The following PPP2R5C variants were observed in gnomAD, a reference collection of about 807,000 sequenced individuals.
The protein encoded by PPP2R5C is protein phosphatase 2 regulatory subunit B'gamma.
PPP2R5C carries 7 observed loss-of-function variants against 68.9 expected under a neutral mutation model. That is an observed-to-expected ratio of 0.10 (90% confidence interval 0.06 to 0.19). The LOEUF (loss-of-function observed/expected upper bound fraction) is 0.19, where lower values mean the gene tolerates loss of function less well. Ranked by LOEUF, PPP2R5C falls within the 10% of genes least tolerant of loss-of-function variation. PPP2R5C has a pLI of 1.00. For missense variants in PPP2R5C, 348 were observed against 641.3 expected, an observed-to-expected ratio of 0.54 and a Z score of 4.94; for synonymous variants, 210 against 222.2, an observed-to-expected ratio of 0.95 and a Z score of 0.49.
chr14:101,900,451 A>G (rs1473597424), intron 8 of PPP2R5C, among the ~76,000 whole-genome samples: 1 of 152,238 alleles, frequency 6.6e-6, no homozygotes, highest in Non-Finnish European at 1.5e-5. Context: ...TGCACAGCAC[A>G]AGAGTCGGGT....
chr14:101,803,036 G>A (rs2038934732), intron 3 of PPP2R5C, among the ~76,000 whole-genome samples: 1 of 150,550 alleles, frequency 6.6e-6, no homozygotes, highest in African/African-American at 2.4e-5. Flanking sequence ...ACAACGTGGT[G>A]AAACTCCATC....
chr14:101,890,088 T>C, intron 5 of PPP2R5C, 149 bp from the exon 8 acceptor site: 1 of 748,412 alleles, frequency 1.3e-6, no homozygotes, highest in Non-Finnish European at 2.3e-6. Flanking sequence ...GTTTCTTTGG[T>C]TCCTGAAGGG....
At chr14:101,862,126 G>T (rs1399551168) in intron 2 of PPP2R5C, among the ~76,000 whole-genome samples, 1 of 152,082 alleles carries the variant, frequency 6.6e-6, no homozygotes, top group African/African-American at 2.4e-5. Context: ...CTATTGGCCA[G>T]GCTGGTCTCG....
chr14:101,874,726 G>A (rs574105924), intron 2 of PPP2R5C, among the ~76,000 whole-genome samples: 27 of 152,060 alleles, frequency 1.8e-4, no homozygotes, highest in Non-Finnish European at 3.7e-4. Context: ...ATTCTACAAA[G>A]GTTTGTAAGT....
intron 1 of PPP2R5C, among the ~76,000 whole-genome samples, chr14:101,852,469 C>CTTTTTTTTTTTTTTTTTTTTTT (rs559509845): frequency 4.3e-5 from 5 of 115,106 alleles, no homozygotes; most frequent in Non-Finnish European, 5.4e-5. Context: ...TTTTCTTTTT[C>CTTTTTTTTTTTTTTTTTTTTTT]TTTTTTTTTT....
intron 1 of PPP2R5C, among the ~76,000 whole-genome samples, chr14:101,816,247 G>T (rs545059202): frequency 6.6e-6 from 1 of 152,122 alleles, no homozygotes; most frequent in South Asian, 2.1e-4. Context: ...TTGCTCAGGC[G>T]CTGTTTCCGC....
chr14:101,922,103 GAGA>G (rs2047038023), intron 13 of PPP2R5C: 2 of 985,254 alleles, frequency 2.0e-6, no homozygotes, highest in Admixed American at 1.2e-4. Flanking sequence ...TGTTCTCCAG[GAGA>G]AGAATTGACG....
chr14:101,920,158 A>T (rs558239434), intron 13 of PPP2R5C, among the ~76,000 whole-genome samples: 1 of 152,310 alleles, frequency 6.6e-6, no homozygotes, highest in South Asian at 2.1e-4. Context: ...TCTGTAGTAG[A>T]TCAAGAACTT....
chr14:101,864,672 G>T (rs1242988777), intron 2 of PPP2R5C, among the ~76,000 whole-genome samples: 1 of 152,168 alleles, frequency 6.6e-6, no homozygotes, highest in Non-Finnish European at 1.5e-5. Flanking sequence ...GAGGGAAGGG[G>T]AGGGGAGTGT....
chr14:101,842,376 G>C (rs142178197), intron 1 of PPP2R5C, among the ~76,000 whole-genome samples: 1 of 152,206 alleles, frequency 6.6e-6, no homozygotes, highest in Non-Finnish European at 1.5e-5. Context: ...AGGAGCGCCC[G>C]TGGGCTCTCA....
rs540682370 is a variant in PPP2R5C at position 101,827,059 on chromosome 14, T to C, written c.94+17023T>C. ...GGGGTGATCTCGGCTCACTGCAGCC[T>C]CTGCCTCCCAGGTTCAAGCGATTCT... On this transcript the variant is annotated intron_variant, in intron 1 of 13. Coordinates refer to ENST00000334743, the Ensembl canonical transcript of PPP2R5C. Among the ~76,000 whole-genome samples, 9 of 141,256 alleles carry C rather than the reference T, an allele frequency of 6.4e-5. No individual in the cohort carries two copies. In the South Asian group the frequency reaches 2.1e-3, roughly 33 times the overall value. 92.7% of individuals were successfully genotyped at this position (141,256 alleles called of 152,430 possible). A position where few individuals can be genotyped will look rare whatever the true frequency, so the allele number is the denominator to read the frequency against.
At chr14:101,907,558 T>A (rs898583757) in intron 10 of PPP2R5C, among the ~76,000 whole-genome samples, 3 of 152,178 alleles carry the variant, frequency 2.0e-5, no homozygotes, top group South Asian at 2.1e-4. Flanking sequence ...TTCATCTCTT[T>A]CCATTGTATA....
intron 2 of PPP2R5C, among the ~76,000 whole-genome samples, chr14:101,874,835 G>A (rs1248104026): frequency 6.6e-6 from 1 of 152,118 alleles, no homozygotes; most frequent in Non-Finnish European, 1.5e-5. Flanking sequence ...CACCTCCCAA[G>A]TTCAAGCGAT....
At chr14:101,824,770 G>A (rs2040294408) in intron 1 of PPP2R5C, 1 of 152,538 alleles carries the variant, frequency 6.6e-6, no homozygotes, top group African/African-American at 2.4e-5. Flanking sequence ...AGGTGCTGTG[G>A]GTGCGTGTCT....
intron 1 of PPP2R5C, among the ~76,000 whole-genome samples, chr14:101,810,723 G>A (rs1327684148): frequency 1.3e-5 from 2 of 152,128 alleles, no homozygotes; most frequent in African/African-American, 2.4e-5. Context: ...AAGTTTTCAA[G>A]GTATATAGAG....
At chr14:101,794,977 A>C (rs2038541343) in intron 3 of PPP2R5C, among the ~76,000 whole-genome samples, 1 of 152,228 alleles carries the variant, frequency 6.6e-6, no homozygotes, top group African/African-American at 2.4e-5. Flanking sequence ...CAGTTGACTA[A>C]TAAATTCAGT....
At chr14:101,912,301 G>T (rs1210582506) in intron 11 of PPP2R5C, 100 bp from the exon 14 acceptor site, 6 of 972,658 alleles carry the variant, frequency 6.2e-6, no homozygotes, top group Non-Finnish European at 7.3e-6. Context: ...GCTGCGGGAG[G>T]AGCCGCTGGC....
chr14:101,869,871 C>T (rs895945074), intron 2 of PPP2R5C, among the ~76,000 whole-genome samples: 1 of 152,034 alleles, frequency 6.6e-6, no homozygotes, highest in Non-Finnish European at 1.5e-5. Flanking sequence ...AAGCTGGTCT[C>T]GAACTCCTGA....
At position 101,882,042 on chromosome 14, in the gene PPP2R5C, C is replaced by T. The variant is rs890667857; in HGVS notation, c.295-119C>T. 2.3e-5 allele frequency: 17 copies of T among 751,902 alleles called. No homozygotes were observed. Among genetic ancestry groups the T allele is most frequent in the Middle Eastern group, 3.9e-4 (1 of 2,538 alleles). The allele number at this position is 751,902 out of a possible 1,614,324, so 46.6% of individuals were successfully genotyped here. ...ACACAGCTTCTGCGTTTTGAGGATA[C>T]GGAGGAGCTAAGTTACCATGGGAAG... On this transcript the variant is annotated intron_variant, in intron 2 of 13. Coordinates refer to ENST00000334743, the Ensembl canonical transcript of PPP2R5C. This position sits in a 1 kb window ranked among gnomAD's most constrained non-coding sequence, Gnocchi z 4.9.
Sources: allele counts gnomAD v4.1 joint callset (sites outside exome capture counted in the v4.1 genomes callset), GRCh38; gene constraint gnomAD v4.1.1; non-coding constraint Gnocchi (gnomAD v3.1); transcripts MANE v1.5; gene names NCBI Gene and HGNC (gene_info 2026-07-23, HGNC 2026-07-21).